The following CCDC171 variants were observed in gnomAD, a reference collection of about 807,000 sequenced individuals.
CCDC171 encodes the protein coiled-coil domain-containing protein 171.
CCDC171 carries 177 observed loss-of-function variants against 168.2 expected under a neutral mutation model. That is an observed-to-expected ratio of 1.05 (90% CI 0.93 to 1.19). CCDC171 has a LOEUF of 1.19. Among genes scored for constraint, CCDC171 ranks in the 50% most tolerant of loss-of-function variants. CCDC171 has a pLI of 0.00. For synonymous variants in CCDC171, 687 were observed against 540.8 expected (o/e 1.27, Z -3.75); for missense variants, 1,991 against 1,539.0 (o/e 1.29, Z -4.91).
At chr9:15,951,392 T>G (rs535241665) in intron 25 of CCDC171, among the ~76,000 whole-genome samples, 1 of 152,162 alleles carries the variant, frequency 6.6e-6, no homozygotes, top group East Asian at 1.9e-4. Flanking sequence ...TTTAATTTCT[T>G]GAGGAGCTAC....
intron 10 of CCDC171, among the ~76,000 whole-genome samples, chr9:15,679,444 C>T (rs975068212): frequency 6.6e-6 from 1 of 152,094 alleles, no homozygotes; most frequent in African/African-American, 2.4e-5. Flanking sequence ...ATCTCAGGAC[C>T]TTTTCCTTTT....
intron 6 of CCDC171, among the ~76,000 whole-genome samples, chr9:15,603,045 G>A (rs535693686): frequency 2.0e-4 from 31 of 151,748 alleles, no homozygotes; most frequent in African/African-American, 7.5e-4. Context: ...GCAGTGGCGC[G>A]ATCTTGGCTC....
chr9:15,814,358 A>G (rs972879011), intron 21 of CCDC171, among the ~76,000 whole-genome samples: 2 of 152,200 alleles, frequency 1.3e-5, no homozygotes, highest in African/African-American at 4.8e-5. Context: ...ATTTTGGCCC[A>G]TAGATAATAC....
At chr9:16,098,365 A>G in the CCDC171 span, among the ~76,000 whole-genome samples, 3,955 of 152,290 alleles carry the variant, frequency 0.026, 151 homozygotes, top group African/African-American at 0.089. Flanking sequence ...CGTCGTCGTC[A>G]TCATCATCAA....
intron 3 of CCDC171, among the ~76,000 whole-genome samples, chr9:15,987,488 C>T: frequency 6.6e-6 from 1 of 151,960 alleles, no homozygotes; most frequent in East Asian, 1.9e-4. Context: ...AAAAGATAAA[C>T]ATTTTAATTT....
At chr9:15,904,718 C>T (rs1227627477) in intron 24 of CCDC171, among the ~76,000 whole-genome samples, 1 of 152,008 alleles carries the variant, frequency 6.6e-6, no homozygotes, top group Admixed American at 6.6e-5. Context: ...TTAAAAGACA[C>T]AGACTGGCAA....
At chr9:15,634,079 G>T (rs1005663795) in intron 7 of CCDC171, among the ~76,000 whole-genome samples, 15 of 152,006 alleles carry the variant, frequency 9.9e-5, no homozygotes, top group Admixed American at 9.2e-4. Flanking sequence ...AATGCTAAAT[G>T]ATGAGTTAAT....
chr9:15,661,245 A>T (rs2048295477), intron 8 of CCDC171, among the ~76,000 whole-genome samples: 1 of 148,092 alleles, frequency 6.8e-6, no homozygotes, highest in Non-Finnish European at 1.5e-5. Context: ...GCACCACTGA[A>T]ATCCAGCCTG....
At chr9:16,067,384 C>A in the CCDC171 span, among the ~76,000 whole-genome samples, 1 of 151,990 alleles carries the variant, frequency 6.6e-6, no homozygotes, top group Admixed American at 6.6e-5. Flanking sequence ...ATGAGTAGGT[C>A]GCGAAAATTG....
chr9:15,998,251 T>C (rs1454701630), intron 3 of CCDC171, among the ~76,000 whole-genome samples: 1 of 152,222 alleles, frequency 6.6e-6, no homozygotes, highest in African/African-American at 2.4e-5. Context: ...TACTGCATCC[T>C]GGAGTACGGT....
the CCDC171 span, among the ~76,000 whole-genome samples, chr9:16,100,136 C>T: frequency 2.4e-4 from 37 of 152,250 alleles, no homozygotes; most frequent in South Asian, 5.0e-3. Flanking sequence ...AACAGTCCTT[C>T]GCTCCCACAG....
intron 25 of CCDC171, among the ~76,000 whole-genome samples, chr9:15,926,031 A>C (rs1463088849): frequency 2.0e-5 from 3 of 151,204 alleles, no homozygotes; most frequent in Non-Finnish European, 4.4e-5. Context: ...TAGCTAGGGA[A>C]ACAGAGACAT....
chr9:16,077,422 G>A, the CCDC171 span, among the ~76,000 whole-genome samples: 35 of 152,166 alleles, frequency 2.3e-4, no homozygotes, highest in African/African-American at 7.5e-4. Context: ...TGCCATGACA[G>A]GTGGAGAATA....
At chr9:15,626,635 G>C (rs954843097) in intron 7 of CCDC171, among the ~76,000 whole-genome samples, 5 of 152,282 alleles carry the variant, frequency 3.3e-5, no homozygotes, top group Middle Eastern at 3.4e-3. Flanking sequence ...TGTGTACGTT[G>C]AACCAGCTTT....
At chr9:15,709,454 CAG>C (rs1176719274) in intron 11 of CCDC171, among the ~76,000 whole-genome samples, 3 of 151,904 alleles carry the variant, frequency 2.0e-5, no homozygotes, top group Admixed American at 6.6e-5. Flanking sequence ...GAAAGAAAAA[CAG>C]AGGGAAAAGA....
At chr9:16,008,015 C>A (rs1434239445) in intron 3 of CCDC171, among the ~76,000 whole-genome samples, 1 of 152,112 alleles carries the variant, frequency 6.6e-6, no homozygotes, top group East Asian at 1.9e-4. Context: ...AATACCTTTT[C>A]CATTCTGTGG....
chr9:16,067,147 G>T, the CCDC171 span, among the ~76,000 whole-genome samples: 167 of 151,832 alleles, frequency 1.1e-3, 2 homozygotes, highest in Admixed American at 6.4e-3. Flanking sequence ...TTTTAATGAT[G>T]GCCATTCTAA....
At chr9:15,595,239 C>G (rs1467006608) in intron 6 of CCDC171, among the ~76,000 whole-genome samples, 1 of 151,882 alleles carries the variant, frequency 6.6e-6, no homozygotes, top group Non-Finnish European at 1.5e-5. Flanking sequence ...TGTTGGTGTG[C>G]TGCACCCATT....
upstream of CCDC171, among the ~76,000 whole-genome samples, chr9:16,039,156 G>T (rs1292426063): frequency 2.6e-5 from 4 of 152,114 alleles, no homozygotes; most frequent in Non-Finnish European, 5.9e-5. Context: ...AGTGCTTCTG[G>T]TTCCAGCTCA....
Sources: gnomAD v4.1 joint callset for allele counts (sites outside exome capture counted in the v4.1 genomes callset) on GRCh38, gnomAD v4.1.1 for gene constraint, MANE v1.5 for transcripts, NCBI Gene and HGNC (gene_info 2026-07-23, HGNC 2026-07-21) for gene names.